Variants in C2CD3 observed in about 807,000 individuals in gnomAD.
The protein encoded by C2CD3 is C2 domain-containing protein 3.
In C2CD3, 148 loss-of-function variants were observed where a neutral mutation model predicts 234.0. The observed-to-expected ratio is 0.63, with a 90% CI of 0.55 to 0.72. C2CD3 has a LOEUF of 0.72. C2CD3 is among the 30% of genes least tolerant of loss of function. The probability of loss-of-function intolerance (pLI) is 0.00; values close to 1 mark genes in which losing one functional copy is unlikely to be tolerated. For missense variants in C2CD3, 2,577 were observed against 2,811.5 expected (o/e 0.92, Z 1.89); for synonymous variants, 1,000 against 1,035.4 (o/e 0.97, Z 0.66).
At position 74,113,515 on chromosome 11, in the gene C2CD3, C is replaced by A. The variant is rs1335919817; in HGVS notation, c.1843+265G>T. On this transcript the variant is annotated intron_variant, in intron 11 of 32. Transcript: ENST00000334126. ...CCAACATGGTGAAACCCTGTCTCTA[C>A]TAAAAAATACAAAAATTAGCTGGGT... 1.1e-4 allele frequency: 42 copies of A among 394,768 alleles called. 1 individual carries two copies. The highest frequency in any genetic ancestry group is 9.5e-6 in the Non-Finnish European group (2 of 209,786). 24.5% of individuals were successfully genotyped at this position (394,768 alleles called of 1,614,324 possible). A position where few individuals can be genotyped will look rare whatever the true frequency, so the allele number is the denominator to read the frequency against.
intron 3 of C2CD3, among the ~76,000 whole-genome samples, chr11:74,141,100 C>T (rs1565339585): frequency 6.6e-6 from 1 of 152,104 alleles, no homozygotes; most frequent in Non-Finnish European, 1.5e-5. Context: ...ACCCAAAGAC[C>T]GTCAAATAAT....
intron 3 of C2CD3, among the ~76,000 whole-genome samples, chr11:74,140,782 GA>G (rs1470115855): frequency 6.6e-6 from 1 of 152,142 alleles, no homozygotes; most frequent in Non-Finnish European, 1.5e-5. Flanking sequence ...AGTTGCTTGG[GA>G]AAAATAAGGT....
chr11:74,039,927 G>C (rs752580019), intron 29 of C2CD3, among the ~76,000 whole-genome samples: 4 of 152,200 alleles, frequency 2.6e-5, no homozygotes, highest in Non-Finnish European at 5.9e-5. Context: ...CACTTAAACA[G>C]CCTACAATCT....
Position 74,090,900 on chromosome 11 carries a change from G to A in C2CD3, c.3554C>T (p.Pro1185Leu), listed in dbSNP as rs1384492716. 12 of 1,614,040 alleles carry A rather than the reference G, an allele frequency of 7.4e-6. No homozygotes were observed. Among genetic ancestry groups the A allele is most frequent in the Non-Finnish European group, 9.3e-6 (11 of 1,179,966 alleles). ...LDVGLRYRRS[P>L]RTAEGVLAAR... ...AGCAAGAACTCCCTCTGCTGTTCTT[G>A]GACTACGCCTGTACCTTAGGCCCAC... The change falls in exon 20 of 33, where the codon CCA becomes CTA. Residue 1185 changes from proline (P) to leucine (L), a missense_variant. Pro to Leu is a moderately conservative substitution (Grantham distance 98). Transcript: ENST00000334126.
chr11:74,028,835 C>T (rs899486764), intron 31 of C2CD3, among the ~76,000 whole-genome samples: 3 of 152,232 alleles, frequency 2.0e-5, no homozygotes, highest in African/African-American at 7.2e-5. Context: ...TTGAATGATT[C>T]TTGCCTAAGG....
intron 8 of C2CD3, among the ~76,000 whole-genome samples, chr11:74,122,312 T>C (rs994133051): frequency 1.3e-5 from 2 of 152,224 alleles, no homozygotes; most frequent in Non-Finnish European, 2.9e-5. Context: ...AAGTTTTCCC[T>C]GCTTCTTCCA....
At chr11:74,050,441 T>C (rs1446748743) in intron 26 of C2CD3, among the ~76,000 whole-genome samples, 11 of 152,212 alleles carry the variant, frequency 7.2e-5, no homozygotes, top group Admixed American at 1.3e-4. Flanking sequence ...TTCATTCTCA[T>C]ATTCTTTGCT....
intron 32 of C2CD3, among the ~76,000 whole-genome samples, chr11:74,014,904 A>G (rs567089544): frequency 6.6e-6 from 1 of 152,358 alleles, no homozygotes; most frequent in African/African-American, 2.4e-5. Flanking sequence ...CTATGAGCCC[A>G]CAGGCAGCCT....
intron 28 of C2CD3, among the ~76,000 whole-genome samples, chr11:74,044,121 T>C (rs1953228116): frequency 6.6e-6 from 1 of 150,968 alleles, no homozygotes; most frequent in African/African-American, 2.4e-5. Flanking sequence ...GGATTACAGG[T>C]GTGAGCCACT....
chr11:74,122,977 C>T lies in C2CD3; in HGVS notation c.1365+11G>A, dbSNP rs762551125. 7 of 1,608,632 alleles carry T rather than the reference C, an allele frequency of 4.4e-6. No homozygotes were observed. The highest frequency in any genetic ancestry group is 6.0e-6 in the Non-Finnish European group (7 of 1,175,984). ...TCTCTAATTCTCAATGCTTCAGGTT[C>T]AGTGACTTACAGGTGCTGTATAAAA... On this transcript the variant is annotated intron_variant, in intron 8 of 32. Coordinates refer to ENST00000334126, the MANE Select transcript of C2CD3 (RefSeq NM_001286577.2).
At position 74,033,988 on chromosome 11, in the gene C2CD3, C is replaced by G; in HGVS notation, c.6172G>C (p.Ala2058Pro). Residue 2058 changes from alanine to proline, a missense_variant, in exon 31 of 33, where the codon GCC becomes CCC. Transcript: ENST00000334126. Reference sequence around the variant, plus strand: ...TCTTCATAGTCCTCATCACTGTAGGCTGGGCCTGCCTCAGTGTCTTCACTG... The same window carrying G: ...TCTTCATAGTCCTCATCACTGTAGGGTGGGCCTGCCTCAGTGTCTTCACTG... ...QSSEDTEAGP[A>P]YSDEDYEEDI... The G allele has an allele frequency of 6.5e-7, 1 of 1,536,470 alleles. No homozygotes were observed. The highest frequency in any genetic ancestry group is 8.7e-7 in the Non-Finnish European group (1 of 1,146,980).
chr11:74,154,415 T>C (rs1234639051), intron 3 of C2CD3, among the ~76,000 whole-genome samples: 1 of 151,996 alleles, frequency 6.6e-6, no homozygotes, highest in African/African-American at 2.4e-5. Flanking sequence ...AGTCTCTACT[T>C]ATTAAAAAAG....
At chr11:74,129,134 G>C (rs988698899) in intron 7 of C2CD3, 2 of 178,110 alleles carry the variant, frequency 1.1e-5, no homozygotes, top group African/African-American at 4.8e-5. Flanking sequence ...GGGCAGAGGC[G>C]CCCCTCACCT....
intron 32 of C2CD3, among the ~76,000 whole-genome samples, chr11:74,018,813 T>C (rs1385266560): frequency 6.6e-6 from 1 of 152,230 alleles, no homozygotes; most frequent in African/African-American, 2.4e-5. Flanking sequence ...TCAGCCCGGC[T>C]GCCGCATGGC....
intron 7 of C2CD3, among the ~76,000 whole-genome samples, chr11:74,123,975 C>A (rs1336592755): frequency 3.3e-5 from 5 of 152,082 alleles, no homozygotes; most frequent in Admixed American, 1.3e-4. Context: ...AGGTGATCCA[C>A]CCACCTTGGC....
chr11:74,060,518 A>C (rs1350915173), intron 24 of C2CD3, among the ~76,000 whole-genome samples: 2 of 152,170 alleles, frequency 1.3e-5, no homozygotes, highest in African/African-American at 2.4e-5. Flanking sequence ...TCTGGAGTGG[A>C]CCTCCAGCAA....
At chr11:74,064,050 G>A (rs1326566571) in intron 24 of C2CD3, among the ~76,000 whole-genome samples, 6 of 137,576 alleles carry the variant, frequency 4.4e-5, no homozygotes, top group Non-Finnish European at 4.7e-5. Flanking sequence ...TCCCTCCCCC[G>A]TCCCACCCCA....
At chr11:74,151,394 T>C (rs920769380) in intron 3 of C2CD3, among the ~76,000 whole-genome samples, 2 of 152,064 alleles carry the variant, frequency 1.3e-5, no homozygotes, top group Admixed American at 6.6e-5. Context: ...CTCGGCCCAC[T>C]GCAACCTCTG....
intron 3 of C2CD3, among the ~76,000 whole-genome samples, chr11:74,145,685 C>T (rs2135551020): frequency 6.6e-6 from 1 of 152,216 alleles, no homozygotes; most frequent in African/African-American, 2.4e-5. Context: ...TTAGGTTTTA[C>T]ATTGAGGTCT....
Sources: allele counts gnomAD v4.1 joint callset (sites outside exome capture counted in the v4.1 genomes callset), GRCh38; gene constraint gnomAD v4.1.1; transcripts MANE v1.5; gene names NCBI Gene and HGNC (gene_info 2026-07-23, HGNC 2026-07-21).